GK5: variants seen among roughly 807,000 people sequenced by gnomAD.
The protein encoded by GK5 is ATP:glycerol 3-phosphotransferase 5.
A neutral mutation model predicts 77.3 loss-of-function variants in GK5; 39 were observed. The observed-to-expected ratio is 0.50, with a 90% confidence interval of 0.39 to 0.66. GK5 has a LOEUF of 0.66. Ranked by LOEUF, GK5 falls within the 30% of genes least tolerant of loss-of-function variation. GK5 has a pLI of 0.00. For missense variants in GK5, 487 were observed against 633.8 expected (o/e 0.77, Z 2.49); for synonymous variants, 211 against 208.0 (o/e 1.01, Z -0.13).
At position 142,181,533 on chromosome 3, in the gene GK5, G is replaced by C. The variant is rs748457245; in HGVS notation, c.976C>G (p.Gln326Glu). 8.7e-6 allele frequency: 14 copies of C among 1,613,076 alleles called. No homozygotes were observed. In the South Asian group the frequency reaches 1.4e-4, roughly 16 times the overall value. Residue 326 changes from glutamine to glutamate, a missense_variant, in exon 11 of 16, where the codon CAA (glutamine) becomes GAA (glutamate). Physicochemically the swap from Gln to Glu is conservative, Grantham distance 29. Transcript: ENST00000392993. Reference sequence around the variant, plus strand: ...CTTTCAGCTAAGCATACGACTTCTTGCCCAATCTTCCACCCAATTAATGGA... The same window carrying C: ...CTTTCAGCTAAGCATACGACTTCTTCCCCAATCTTCCACCCAATTAATGGA... ...FYPLIGWKIGQEVVCLAESNA... is the reference protein window; with the variant it reads ...FYPLIGWKIGEEVVCLAESNA...
chr3:142,160,584 T>C lies in GK5; in HGVS notation c.*5038A>G, dbSNP rs1441812157. 6.6e-6 allele frequency: 1 copy of C among 152,220 alleles called. No individual in the cohort carries two copies. The highest frequency in any genetic ancestry group is 1.9e-4 in the East Asian group (1 of 5,206). The allele number at this position is 152,220 out of a possible 1,614,324, so 9.4% of individuals were successfully genotyped here. A position where few individuals can be genotyped will look rare whatever the true frequency, so the allele number is the denominator to read the frequency against. ...GCACTCTTAAAATTCAATCTGTTAG[T>C]CATCTGCAGTCAAATATATAAAACC... is the stretch of plus-strand genomic sequence containing the variant. On this transcript the variant is annotated 3_prime_UTR_variant, in exon 16 of 16. Transcript: ENST00000392993.
chr3:142,203,052 T>G (rs1242839449), intron 4 of GK5, among the ~76,000 whole-genome samples: 1 of 152,186 alleles, frequency 6.6e-6, no homozygotes, highest in Non-Finnish European at 1.5e-5. Context: ...ATGACCAAAT[T>G]AAAGAATGTT....
Position 142,215,869 on chromosome 3 carries a change from C to A in GK5, c.148-177G>T, listed in dbSNP as rs1201179613. On this transcript the variant is annotated intron_variant, in intron 1 of 15. Coordinates refer to ENST00000392993, the MANE Select transcript of GK5 (RefSeq NM_001039547.3). ...GATAAAAAAGGACTATATGCCAACA[C>A]CAAATAGCAGTAACTCATGAGTTCA... Among the ~76,000 whole-genome samples the A allele has an allele frequency of 6.6e-6, 1 of 151,992 alleles. No individual in the cohort carries two copies. The highest frequency in any genetic ancestry group is 1.9e-4 in the East Asian group (1 of 5,198).
At chr3:142,213,492 C>T (rs1275414379) in intron 3 of GK5, 34 bp downstream of exon 3, 5 of 1,245,026 alleles carry the variant, frequency 4.0e-6, no homozygotes. Flanking sequence ...GGCATGAACC[C>T]AGCAGTAGGG....
intron 12 of GK5, among the ~76,000 whole-genome samples, chr3:142,176,072 T>C (rs925116528): frequency 2.6e-5 from 4 of 152,048 alleles, no homozygotes; most frequent in Non-Finnish European, 4.4e-5. Flanking sequence ...TTCTGGACTA[T>C]GATAGGTGCT....
chr3:142,223,388 G>C (rs191218550), intron 1 of GK5, among the ~76,000 whole-genome samples: 3 of 152,214 alleles, frequency 2.0e-5, no homozygotes, highest in Non-Finnish European at 4.4e-5. Flanking sequence ...GAAAGGTAAT[G>C]AGTACCCAGT....
At chr3:142,183,070 T>C in intron 9 of GK5, 21 bp from the exon 10 acceptor site, 1 of 1,612,860 alleles carries the variant, frequency 6.2e-7, no homozygotes, top group South Asian at 1.1e-5. Context: ...TGTTCAAATG[T>C]AAACCCATTG....
intron 4 of GK5, among the ~76,000 whole-genome samples, chr3:142,200,230 G>A (rs188683648): frequency 1.4e-4 from 22 of 151,990 alleles, no homozygotes; most frequent in African/African-American, 4.4e-4. Flanking sequence ...GTGCAATGGC[G>A]CAATCTCAGC....
chr3:142,191,280 G>A (rs567894247), intron 5 of GK5, among the ~76,000 whole-genome samples: 24 of 151,720 alleles, frequency 1.6e-4, no homozygotes, highest in Non-Finnish European at 2.5e-4. Flanking sequence ...CGCCCACCTC[G>A]GCCTCCCAAA....
intron 15 of GK5, among the ~76,000 whole-genome samples, chr3:142,168,802 G>A (rs889897791): frequency 7.7e-6 from 1 of 129,886 alleles, no homozygotes; most frequent in Admixed American, 1.0e-4. Flanking sequence ...CTCTTTATGA[G>A]GAGTCACCAC....
chr3:142,216,728 C>G (rs977729151), intron 1 of GK5, among the ~76,000 whole-genome samples: 1 of 152,106 alleles, frequency 6.6e-6, no homozygotes, highest in Non-Finnish European at 1.5e-5. Flanking sequence ...TAGGCTCACC[C>G]CAAAGCTGCA....
chr3:142,221,329 T>G (rs754599431), intron 1 of GK5, among the ~76,000 whole-genome samples: 7 of 152,202 alleles, frequency 4.6e-5, no homozygotes, highest in Non-Finnish European at 8.8e-5. Context: ...CAAGAAACAC[T>G]TTCTTACCCC....
chr3:142,159,349 C>CTA lies in GK5; in HGVS notation c.*6271_*6272dup, dbSNP rs2063407001. Reference sequence around the variant, plus strand: ...ATAAGATTCATTTAAATGGGAGTCTCTATATCATTTGTTTCCTAAACATCA... The same window carrying CTA: ...ATAAGATTCATTTAAATGGGAGTCTCTATATATCATTTGTTTCCTAAACATCA... On this transcript the variant is annotated 3_prime_UTR_variant, in exon 16 of 16. Transcript: ENST00000392993. The CTA allele has an allele frequency of 1.3e-5, 2 of 152,180 alleles. No individual in the cohort carries two copies. The highest frequency in any genetic ancestry group is 4.8e-5 in the African/African-American group (2 of 41,442). The allele number at this position is 152,180 out of a possible 1,614,324, so 9.4% of individuals were successfully genotyped here. A position where few individuals can be genotyped will look rare whatever the true frequency, so the allele number is the denominator to read the frequency against.
intron 1 of GK5, among the ~76,000 whole-genome samples, chr3:142,220,286 C>T (rs956723644): frequency 6.6e-6 from 1 of 152,184 alleles, no homozygotes; most frequent in Non-Finnish European, 1.5e-5. Context: ...CAGGCACCCG[C>T]CACCACGCCT....
At position 142,186,449 on chromosome 3, in the gene GK5, T is replaced by C; in HGVS notation, c.681+3A>G. The stretch of plus-strand genomic sequence containing the variant: ...TTCAAAAAGAAGAAAAAAAAATTTT[T>C]ACCTTATATGGGTCAAAAAGTCCAG... On this transcript the variant is annotated splice_donor_region_variant and intron_variant, in intron 7 of 15. Transcript: ENST00000392993. 1 of 1,518,280 alleles carries C rather than the reference T, an allele frequency of 6.6e-7. No individual in the cohort carries two copies. The highest frequency in any genetic ancestry group is 8.9e-7 in the Non-Finnish European group (1 of 1,125,168). 94.1% of individuals were successfully genotyped at this position (1,518,280 alleles called of 1,614,324 possible).
intron 3 of GK5, among the ~76,000 whole-genome samples, chr3:142,211,142 G>A (rs532307236): frequency 2.0e-5 from 3 of 152,302 alleles, no homozygotes; most frequent in Admixed American, 2.0e-4. Context: ...ATGTCCCCAG[G>A]GGACGTTCAG....
rs1001587976 is a variant in GK5 at position 142,163,476 on chromosome 3, T to C, written c.*2146A>G. ...TTTTAGTGGAGACAGGGTTTCACCGTGTTTGACCAGGTTGGACTCCTGACC... is the reference window on the plus strand; with the variant it reads ...TTTTAGTGGAGACAGGGTTTCACCGCGTTTGACCAGGTTGGACTCCTGACC... On this transcript the variant is annotated 3_prime_UTR_variant, in exon 16 of 16. Coordinates refer to ENST00000392993, the MANE Select transcript of GK5 (RefSeq NM_001039547.3). 3.9e-5 allele frequency: 6 copies of C among 152,060 alleles called. 1 individual carries two copies. The highest frequency in any genetic ancestry group is 3.9e-4 in the Admixed American group (6 of 15,266). The allele number at this position is 152,060 out of a possible 1,614,324, so 9.4% of individuals were successfully genotyped here.
intron 11 of GK5, among the ~76,000 whole-genome samples, chr3:142,180,700 G>A (rs961652277): frequency 1.3e-5 from 2 of 152,042 alleles, no homozygotes; most frequent in African/African-American, 4.8e-5. Context: ...CACTAAGCTA[G>A]GGAGGTAGAA....
intron 3 of GK5, among the ~76,000 whole-genome samples, chr3:142,207,946 A>G (rs2064134764): frequency 6.6e-6 from 1 of 152,186 alleles, no homozygotes; most frequent in Non-Finnish European, 1.5e-5. Flanking sequence ...AGAGATCCAA[A>G]TGGTCACCAT....
Sources: gnomAD v4.1 joint callset for allele counts (sites outside exome capture counted in the v4.1 genomes callset) on GRCh38, gnomAD v4.1.1 for gene constraint, MANE v1.5 for transcripts, NCBI Gene and HGNC (gene_info 2026-07-23, HGNC 2026-07-21) for gene names.